CELSR2: variants seen among roughly 807,000 people sequenced by gnomAD.
The protein encoded by CELSR2 is EGF-like protein 2.
A neutral mutation model predicts 251.6 loss-of-function variants in CELSR2; 81 were observed. That is an observed-to-expected ratio of 0.32 (90% CI 0.27 to 0.39). The LOEUF (loss-of-function observed/expected upper bound fraction) is 0.39, where lower values mean the gene tolerates loss of function less well. CELSR2 is among the 10% of genes least tolerant of loss of function. The probability of loss-of-function intolerance (pLI) is 1.00; values close to 1 mark genes in which losing one functional copy is unlikely to be tolerated. For synonymous variants in CELSR2, 1,721 were observed against 1,670.5 expected (o/e 1.03, Z -0.74); for missense variants, 3,365 against 3,947.7 (o/e 0.85, Z 3.96).
intron 1 of CELSR2, among the ~76,000 whole-genome samples, chr1:109,257,369 A>G (rs1655877104): frequency 6.6e-6 from 1 of 150,380 alleles, no homozygotes; most frequent in Non-Finnish European, 1.5e-5. Context: ...AAAAAAAAAG[A>G]CTATCCCTTC....
intron 15 of CELSR2, chr1:109,266,505 C>T (rs1288867203): frequency 8.9e-5 from 20 of 225,356 alleles, no homozygotes; most frequent in Non-Finnish European, 1.6e-4. Flanking sequence ...CCTCTGCCTC[C>T]CAGGTTCAAG....
intron 17 of CELSR2, among the ~76,000 whole-genome samples, chr1:109,268,265 A>G (rs1230783439): frequency 6.6e-6 from 1 of 152,244 alleles, no homozygotes; most frequent in South Asian, 2.1e-4. Context: ...GTGTTGGGGC[A>G]TGGTCTGACC....
chr1:109,273,424 CCCGG>C lies in CELSR2; in HGVS notation c.8510-9_8510-6del. On this transcript the variant is annotated splice_region_variant and splice_polypyrimidine_tract_variant and intron_variant, in intron 32 of 33. Coordinates refer to ENST00000271332, the MANE Select transcript of CELSR2 (RefSeq NM_001408.3). ...CTGTGGCCGCACCTCACAGCCCCGCCCCGGCCCACAGGCATCCTTAAGAAGAAGT... is the reference window on the plus strand; with the variant it reads ...CTGTGGCCGCACCTCACAGCCCCGCCCCCACAGGCATCCTTAAGAAGAAGT... 1 of 1,609,970 alleles carries C rather than the reference CCCGG, an allele frequency of 6.2e-7. No individual in the cohort carries two copies.
Position 109,258,926 on chromosome 1 carries a change from G to A in CELSR2, c.3805G>A (p.Val1269Ile), listed in dbSNP as rs749003003. ...SSVLFRPIHPVGGLRCRCPPG... is the reference protein window; with the variant it reads ...SSVLFRPIHPIGGLRCRCPPG... ...CGTGCTCTTCCGGCCCATCCACCCCGTCGGAGGGCTGCGCTGCCGCTGCCC... is the reference window on the plus strand; with the variant it reads ...CGTGCTCTTCCGGCCCATCCACCCCATCGGAGGGCTGCGCTGCCGCTGCCC... Residue 1269 changes from valine to isoleucine, a missense_variant, in exon 2 of 34, where the codon GTC becomes ATC. Val to Ile is a conservative substitution (Grantham distance 29). Transcript: ENST00000271332. 1.4e-5 allele frequency: 23 copies of A among 1,612,000 alleles called. No homozygotes were observed. In the South Asian group the frequency reaches 2.2e-4, roughly 15 times the overall value.
Position 109,250,833 on chromosome 1 carries a change from A to T in CELSR2, c.754A>T (p.Lys252Ter), listed in dbSNP as rs1171490685. 1.9e-6 allele frequency: 3 copies of T among 1,614,032 alleles called. No homozygotes were observed. The highest frequency in any genetic ancestry group is 2.5e-6 in the Non-Finnish European group (3 of 1,180,034). Reference protein sequence around the residue: ...TTAEELDRETKSTHVFRVTAQ... With the variant: ...TTAEELDRET The stretch of plus-strand genomic sequence containing the variant: ...AGCCGAGGAGCTGGATCGTGAGACC[A>T]AGAGCACCCACGTCTTCAGGGTCAC... Residue 252 changes from lysine to a stop codon, truncating the protein, a stop_gained, in exon 1 of 34, where the codon AAG becomes TAG. Transcript: ENST00000271332. LOFTEE classifies it high-confidence loss of function. The surrounding 1 kb of genome is among the most constrained non-coding windows in gnomAD (Gnocchi z 4.4).
chr1:109,263,508 G>T, intron 8 of CELSR2, 103 bp from the exon 9 acceptor site: 1 of 1,496,168 alleles, frequency 6.7e-7, no homozygotes. Flanking sequence ...GCTGATGAGG[G>T]GAGTGGGCTC....
intron 28 of CELSR2, 67 bp from the exon 29 acceptor site, chr1:109,272,211 T>C: frequency 6.6e-7 from 1 of 1,511,170 alleles, no homozygotes; most frequent in East Asian, 2.3e-5. Flanking sequence ...CCCTCCACCC[T>C]CCTTCTTCCC....
chr1:109,262,539 C>T, intron 6 of CELSR2, 95 bp downstream of exon 6: 1 of 1,495,858 alleles, frequency 6.7e-7, no homozygotes, highest in Non-Finnish European at 9.0e-7. Flanking sequence ...GTCTCTCTCC[C>T]TTTGCCTCTC....
In CELSR2 at chr1:109,274,088, T is replaced by TTC; in HGVS notation, c.*40_*41dup. On this transcript the variant is annotated 3_prime_UTR_variant, in exon 34 of 34. Transcript: ENST00000271332. ...TTCCTACGCCCGAGGCTCCCTTCCCTTCCCCAGCCGCACTCATGCCCTGCT... is the reference window on the plus strand; with the variant it reads ...TTCCTACGCCCGAGGCTCCCTTCCCTTCTCCCCAGCCGCACTCATGCCCTGCT... 6.2e-7 allele frequency: 1 copy of TTC among 1,613,890 alleles called. No homozygotes were observed.
rs181856464 is a variant in CELSR2, at chr1:109,274,228, A to T, written c.*179A>T. 1 of 1,450,420 alleles carries T rather than the reference A, an allele frequency of 6.9e-7. No homozygotes were observed. Among genetic ancestry groups the T allele is most frequent in the Non-Finnish European group, 9.1e-7 (1 of 1,095,726 alleles). The allele number at this position is 1,450,420 out of a possible 1,614,324, so 89.8% of individuals were successfully genotyped here. ...AGGGGTACTCACCCCACCTAAGGCC[A>T]TCTAGTGCCAACTCCCCCCCCACCA... On this transcript the variant is annotated 3_prime_UTR_variant, in exon 34 of 34. Coordinates refer to ENST00000271332, the MANE Select transcript of CELSR2 (RefSeq NM_001408.3).
rs1557729759 is a variant in CELSR2, at chr1:109,258,422, C to T, written c.3311-10C>T. On this transcript the variant is annotated splice_polypyrimidine_tract_variant and intron_variant, in intron 1 of 33. Transcript: ENST00000271332. ...CCCAGGCTGGGTCCTGACTGTGTCC[C>T]TCTCCACAGACGGCGTACACAGCGT... 1.2e-5 allele frequency: 19 copies of T among 1,556,196 alleles called. No individual in the cohort carries two copies. The highest frequency in any genetic ancestry group is 1.7e-5 in the Non-Finnish European group (19 of 1,146,632).
intron 5 of CELSR2, 62 bp from the exon 6 acceptor site, chr1:109,262,225 G>A: frequency 6.3e-7 from 1 of 1,585,836 alleles, no homozygotes; most frequent in Non-Finnish European, 8.6e-7. Context: ...AGTGTGTGCT[G>A]GCCATGAACC....
At chr1:109,265,995 G>A in intron 14 of CELSR2, 77 bp downstream of exon 14, 1 of 1,581,918 alleles carries the variant, frequency 6.3e-7, no homozygotes, top group Non-Finnish European at 8.6e-7. Context: ...CCAGGAAGGG[G>A]CTGGTTGCAG....
At chr1:109,253,458 G>GTAGGGTGCGATCCAGGAAGCAGC (rs1553179703) in intron 1 of CELSR2, 69 bp downstream of exon 1, 2 of 1,523,682 alleles carry the variant, frequency 1.3e-6, no homozygotes, top group Admixed American at 4.0e-5. Context: ...GCCACTGGAG[G>GTAGGGTGCGATCCAGGAAGCAGC]TAGGGTGCGA....
intron 17 of CELSR2, among the ~76,000 whole-genome samples, chr1:109,268,317 G>GCC (rs1656262791): frequency 6.6e-6 from 1 of 152,250 alleles, no homozygotes; most frequent in South Asian, 2.1e-4. Context: ...CTGGGAGGAA[G>GCC]CAGTATCTCA....
At chr1:109,265,648 C>T in intron 13 of CELSR2, 87 bp from the exon 14 acceptor site, 1 of 1,508,860 alleles carries the variant, frequency 6.6e-7, no homozygotes, top group Admixed American at 2.0e-5. Context: ...TCGGGACCCT[C>T]TCCACAGGGG....
chr1:109,268,492 G>A, intron 17 of CELSR2, 89 bp from the exon 18 acceptor site: 1 of 1,465,632 alleles, frequency 6.8e-7, no homozygotes. Context: ...GTGGGGAGCA[G>A]GGACTGGCCC....
Position 109,250,048 on chromosome 1 carries a change from T to C in CELSR2, c.-32T>C. The C allele has an allele frequency of 7.6e-7, 1 of 1,317,132 alleles. No individual in the cohort carries two copies. Among genetic ancestry groups the C allele is most frequent in the South Asian group, 2.2e-5 (1 of 44,768 alleles). The allele number at this position is 1,317,132 out of a possible 1,614,324, so 81.6% of individuals were successfully genotyped here. On this transcript the variant is annotated 5_prime_UTR_variant, in exon 1 of 34. Coordinates refer to ENST00000271332, the MANE Select transcript of CELSR2 (RefSeq NM_001408.3). This position sits in a 1 kb window ranked among gnomAD's most constrained non-coding sequence, Gnocchi z 4.4. ...GCCGGAGGAGGAGCCGCCGCCGCCGTTGACCCGGCCGCCGGCCGGGAGCTG... is the reference window on the plus strand; with the variant it reads ...GCCGGAGGAGGAGCCGCCGCCGCCGCTGACCCGGCCGCCGGCCGGGAGCTG...
chr1:109,250,131 C>G lies in CELSR2; in HGVS notation c.52C>G (p.Leu18Val). The G allele has an allele frequency of 1.9e-6, 3 of 1,593,888 alleles. No individual in the cohort carries two copies. The East Asian group carries it at 7.0e-5, about 37-fold the overall frequency. ...VPLPTPPPPL[L>V]LLLLLLLPPP... ...CCTCCCAACGCCGCCGCCGCCGCTG[C>G]TGCTGCTGTTGCTGCTGCTGCTGCC... The change falls in exon 1 of 34, where the codon CTG (leucine) becomes GTG (valine). Residue 18 changes from leucine to valine, a missense_variant. By Grantham distance (32) the Leu-to-Val change is conservative. Transcript: ENST00000271332. This position sits in a 1 kb window ranked among gnomAD's most constrained non-coding sequence, Gnocchi z 4.4.
Sources: gnomAD v4.1 joint callset for allele counts (sites outside exome capture counted in the v4.1 genomes callset) on GRCh38, gnomAD v4.1.1 for gene constraint, Gnocchi (gnomAD v3.1) non-coding constraint, MANE v1.5 for transcripts, NCBI Gene and HGNC (gene_info 2026-07-23, HGNC 2026-07-21) for gene names.